Variants in KY observed in about 807,000 individuals in gnomAD.
The protein encoded by KY is kyphoscoliosis peptidase.
Under a neutral mutation model 76.1 loss-of-function variants are expected in KY, and 43 were observed. The ratio of observed to expected loss-of-function variants is 0.57; its 90% confidence interval spans 0.44 to 0.73. The LOEUF (loss-of-function observed/expected upper bound fraction) is 0.73, where lower values mean the gene tolerates loss of function less well. Ranked by LOEUF, KY falls within the 30% of genes least tolerant of loss-of-function variation. KY has a pLI of 0.00. For synonymous variants in KY, 277 were observed against 326.2 expected (o/e 0.85, Z 1.63); for missense variants, 722 against 828.9 (o/e 0.87, Z 1.58).
intron 10 of KY, 78 bp from the exon 11 acceptor site, chr3:134,604,552 C>G (rs1312699303): frequency 1.5e-6 from 2 of 1,298,390 alleles, no homozygotes; most frequent in East Asian, 2.3e-5. Context: ...ACAACTGTCT[C>G]CCTGGGAGAA....
intron 7 of KY, chr3:134,619,832 C>T (rs1032353332): frequency 2.0e-5 from 3 of 153,324 alleles, no homozygotes; most frequent in Admixed American, 6.5e-5. Context: ...AGAGCAGTAA[C>T]GAAGTCCTAT....
chr3:134,626,889 C>A (rs1344672719), intron 5 of KY, among the ~76,000 whole-genome samples: 1 of 152,204 alleles, frequency 6.6e-6, no homozygotes, highest in Non-Finnish European at 1.5e-5. Flanking sequence ...CTTTTCAGTG[C>A]CCTCTTGCTC....
intron 3 of KY, among the ~76,000 whole-genome samples, chr3:134,633,204 A>G (rs1227308650): frequency 6.6e-6 from 1 of 152,098 alleles, no homozygotes; most frequent in Non-Finnish European, 1.5e-5. Context: ...TCAATTCTTC[A>G]TAGGATCTTT....
intron 3 of KY, among the ~76,000 whole-genome samples, chr3:134,631,383 C>G (rs1202618771): frequency 1.3e-5 from 2 of 152,128 alleles, no homozygotes; most frequent in Non-Finnish European, 2.9e-5. Context: ...AAAAGAAATG[C>G]TAACGGAAGT....
chr3:134,603,548 C>T lies in KY; in HGVS notation c.*31G>A, dbSNP rs371287105. 3.0e-5 allele frequency: 46 copies of T among 1,541,478 alleles called. No individual in the cohort carries two copies. In the African/African-American group the frequency reaches 5.5e-4, roughly 18 times the overall value. ...CTCCCTGGGGAGGTCTGGCCTTGGC[C>T]CTTTGGGAGGGTAAGACCGGGGCAC... On this transcript the variant is annotated 3_prime_UTR_variant, in exon 11 of 11. Transcript: ENST00000423778.
At chr3:134,626,849 A>G (rs937816688) in intron 5 of KY, among the ~76,000 whole-genome samples, 3 of 152,170 alleles carry the variant, frequency 2.0e-5, no homozygotes. Context: ...GACTGGGGAT[A>G]CTCAGGCAGG....
At chr3:134,617,664 A>T (rs572897073) in intron 8 of KY, among the ~76,000 whole-genome samples, 177 of 152,302 alleles carry the variant, frequency 1.2e-3, no homozygotes, top group Non-Finnish European at 2.0e-3. Context: ...TTAAATTTAA[A>T]AATGTTATTA....
At chr3:134,630,973 TA>T (rs1286504738) in intron 3 of KY, among the ~76,000 whole-genome samples, 2 of 152,186 alleles carry the variant, frequency 1.3e-5, no homozygotes, top group African/African-American at 4.8e-5. Context: ...TCTCTGGATA[TA>T]CTCAATAGCA....
chr3:134,631,041 G>A lies in KY; in HGVS notation c.263-1346C>T, dbSNP rs139846873. Among the ~76,000 whole-genome samples the A allele has an allele frequency of 4.6e-4, 70 of 152,284 alleles. No individual in the cohort carries two copies. The East Asian group carries it at 9.1e-3, about 20-fold the overall frequency. On this transcript the variant is annotated intron_variant, in intron 3 of 10. Coordinates refer to ENST00000423778, the MANE Select transcript of KY (RefSeq NM_178554.6). ...ACTTGAAGATAGATCAACAGATATC[G>A]TCCAGTTTGAACAATAGAAAATGTA...
Position 134,607,151 on chromosome 3 carries a change from G to A in KY, c.1090+1498C>T, listed in dbSNP as rs75306761. 1.1e-3 allele frequency: 1,038 copies of A among 985,318 alleles called. 21 individuals are homozygous for A. The East Asian group carries it at 0.05, about 47-fold the overall frequency. 61.0% of individuals were successfully genotyped at this position (985,318 alleles called of 1,614,324 possible). A position where few individuals can be genotyped will look rare whatever the true frequency, so the allele number is the denominator to read the frequency against. Reference sequence around the variant, plus strand: ...GGTCAGTTCTTTCCGATATTTCCACGGCCTATGATACATTGAACAAGCCCT... The same window carrying A: ...GGTCAGTTCTTTCCGATATTTCCACAGCCTATGATACATTGAACAAGCCCT... On this transcript the variant is annotated intron_variant, in intron 10 of 10. Coordinates refer to ENST00000423778, the MANE Select transcript of KY (RefSeq NM_178554.6).
chr3:134,627,189 T>A (rs1293540020), intron 5 of KY, among the ~76,000 whole-genome samples: 1 of 152,220 alleles, frequency 6.6e-6, no homozygotes, highest in Non-Finnish European at 1.5e-5. Flanking sequence ...CTAAGTATGA[T>A]TCTACATAAA....
intron 3 of KY, among the ~76,000 whole-genome samples, chr3:134,635,372 C>G (rs1964796826): frequency 6.6e-6 from 1 of 151,676 alleles, no homozygotes; most frequent in Non-Finnish European, 1.5e-5. Context: ...TGGCAGGCAC[C>G]TGTAACCCCA....
At chr3:134,610,611 G>A (rs1960201638) in intron 8 of KY, 3 of 483,794 alleles carry the variant, frequency 6.2e-6, no homozygotes, top group African/African-American at 2.0e-5. Context: ...ACTGGCTGCA[G>A]TCTCCGCTGT....
In KY at chr3:134,619,284, G is replaced by T. The variant is rs761466380; in HGVS notation, c.593-19C>A. ...TCATACTCTATAGGGCAGGTGAGGG[G>T]ATCATGAAGAGCTTGAGCCTGGGAG... On this transcript the variant is annotated intron_variant, in intron 7 of 10. Transcript: ENST00000423778. 6.3e-7 allele frequency: 1 copy of T among 1,580,508 alleles called. No individual in the cohort carries two copies. Among genetic ancestry groups the T allele is most frequent in the Non-Finnish European group, 8.7e-7 (1 of 1,149,390 alleles).
intron 8 of KY, among the ~76,000 whole-genome samples, chr3:134,614,524 G>A (rs1363851567): frequency 1.3e-5 from 2 of 152,038 alleles, no homozygotes; most frequent in Non-Finnish European, 2.9e-5. Flanking sequence ...CCCAAGGGCT[G>A]CAAAGGACCA....
intron 1 of KY, among the ~76,000 whole-genome samples, chr3:134,648,294 C>G (rs1448689522): frequency 6.6e-6 from 1 of 152,304 alleles, no homozygotes; most frequent in East Asian, 1.9e-4. Flanking sequence ...TATTCTCCAG[C>G]CCTCTCAACC....
intron 3 of KY, among the ~76,000 whole-genome samples, chr3:134,636,629 C>T (rs946510610): frequency 6.6e-6 from 1 of 152,194 alleles, no homozygotes; most frequent in African/African-American, 2.4e-5. Context: ...CCACCCAAGA[C>T]CCAAGATCAG....
intron 2 of KY, among the ~76,000 whole-genome samples, chr3:134,645,968 T>C (rs1966394548): frequency 1.3e-5 from 2 of 152,186 alleles, no homozygotes; most frequent in African/African-American, 4.8e-5. Context: ...ATAACATGCC[T>C]GAGAAGCCCT....
chr3:134,616,542 A>T (rs1961594859), intron 8 of KY, among the ~76,000 whole-genome samples: 1 of 152,234 alleles, frequency 6.6e-6, no homozygotes, highest in Non-Finnish European at 1.5e-5. Context: ...GAAACAGTTA[A>T]AGGAATTCAG....
Sources: gnomAD v4.1 joint callset for allele counts (sites outside exome capture counted in the v4.1 genomes callset) on GRCh38, gnomAD v4.1.1 for gene constraint, MANE v1.5 for transcripts, NCBI Gene and HGNC (gene_info 2026-07-23, HGNC 2026-07-21) for gene names.